Variants in KCNK12 observed in about 807,000 individuals in gnomAD.
KCNK12 encodes potassium channel subfamily K member 12.
In KCNK12, 6 loss-of-function variants were observed where a neutral mutation model predicts 25.3. The observed-to-expected ratio is 0.24, with a 90% CI of 0.13 to 0.47. The LOEUF (loss-of-function observed/expected upper bound fraction) is 0.47. Ranked by LOEUF, KCNK12 falls within the 20% of genes least tolerant of loss-of-function variation. KCNK12 has a pLI of 0.99. For synonymous variants in KCNK12, 331 were observed against 311.1 expected, an observed-to-expected ratio of 1.06 and a Z score of -0.67; for missense variants, 444 against 661.7, an observed-to-expected ratio of 0.67 and a Z score of 3.61.
rs1407570137 is a variant in KCNK12 at position 47,555,486 on chromosome 2, A to G, written c.391+14455T>C. Among the ~76,000 whole-genome samples, 1 of 152,166 alleles carries G rather than the reference A, an allele frequency of 6.6e-6. No homozygotes were observed. The highest frequency in any genetic ancestry group is 1.9e-4 in the East Asian group (1 of 5,198). ...TTACTAAAACCAAAGCTTATTCTCC[A>G]TTAGTTTCCCTCCTATATTTATCTT... is the stretch of plus-strand genomic sequence containing the variant. On this transcript the variant is annotated intron_variant, in intron 1 of 1. Coordinates refer to ENST00000327876, the MANE Select transcript of KCNK12 (RefSeq NM_022055.2). This position sits in a 1 kb window ranked among gnomAD's most constrained non-coding sequence, Gnocchi z 4.5.
In KCNK12 at chr2:47,547,240, C is replaced by T. The variant is rs1334152133; in HGVS notation, c.391+22701G>A. On this transcript the variant is annotated intron_variant, in intron 1 of 1. Coordinates refer to ENST00000327876, the MANE Select transcript of KCNK12 (RefSeq NM_022055.2). The surrounding 1 kb of genome is among the most constrained non-coding windows in gnomAD (Gnocchi z 5.0). The stretch of plus-strand genomic sequence containing the variant: ...TCTTCTTTTCTGGCTCCCACGAACA[C>T]GCCCTGGGACTCTGTGGTTCTAACC... 3.3e-5 allele frequency among the ~76,000 whole-genome samples: 5 copies of T among 152,184 alleles called. No homozygotes were observed. The highest frequency in any genetic ancestry group is 7.2e-5 in the African/African-American group (3 of 41,448).
chr2:47,539,275 G>C (rs913881134), intron 1 of KCNK12, among the ~76,000 whole-genome samples: 1 of 152,172 alleles, frequency 6.6e-6, no homozygotes, highest in African/African-American at 2.4e-5. Context: ...TAATCTTTCA[G>C]TTATAAGAAG....
Position 47,562,938 on chromosome 2 carries a change from C to G in KCNK12, c.391+7003G>C, listed in dbSNP as rs538695354. On this transcript the variant is annotated intron_variant, in intron 1 of 1. Coordinates refer to ENST00000327876, the MANE Select transcript of KCNK12 (RefSeq NM_022055.2). The surrounding 1 kb of genome is among the most constrained non-coding windows in gnomAD (Gnocchi z 4.8). The stretch of plus-strand genomic sequence containing the variant: ...GGCTGGTGGCCCCATGCAGAGCCCC[C>G]GACCCCGGAAAGTCAGTGGAACTGG... 3 of 233,414 alleles carry G rather than the reference C, an allele frequency of 1.3e-5. No individual in the cohort carries two copies. Among genetic ancestry groups the G allele is most frequent in the Non-Finnish European group, 2.5e-5 (3 of 118,306 alleles). 14.5% of individuals were successfully genotyped at this position (233,414 alleles called of 1,614,324 possible).
Position 47,547,042 on chromosome 2 carries a change from A to G in KCNK12, c.391+22899T>C, listed in dbSNP as rs1669329736. Among the ~76,000 whole-genome samples, 2 of 152,194 alleles carry G rather than the reference A, an allele frequency of 1.3e-5. No homozygotes were observed. Among genetic ancestry groups the G allele is most frequent in the Non-Finnish European group, 2.9e-5 (2 of 68,032 alleles). On this transcript the variant is annotated intron_variant, in intron 1 of 1. Transcript: ENST00000327876. The surrounding 1 kb of genome is among the most constrained non-coding windows in gnomAD (Gnocchi z 5.0). ...CCCAAAAAGAAAGCCCGCAGTCCAC[A>G]AGCCCCACCTATGCACACTGAGTTT...
intron 1 of KCNK12, among the ~76,000 whole-genome samples, chr2:47,534,526 C>CG (rs1553378752): frequency 7.8e-6 from 1 of 128,610 alleles, no homozygotes; most frequent in Non-Finnish European, 1.7e-5. Context: ...CCCCCCCCCC[C>CG]GCCCCCACAC....
At chr2:47,545,728 G>A (rs1375710417) in intron 1 of KCNK12, among the ~76,000 whole-genome samples, 2 of 152,296 alleles carry the variant, frequency 1.3e-5, no homozygotes, top group Admixed American at 6.5e-5. Context: ...TGCTGATGAG[G>A]ATTAAATGAG....
Position 47,551,266 on chromosome 2 carries a change from C to T in KCNK12, c.391+18675G>A, listed in dbSNP as rs1669424428. Among the ~76,000 whole-genome samples, 1 of 151,796 alleles carries T rather than the reference C, an allele frequency of 6.6e-6. No individual in the cohort carries two copies. The highest frequency in any genetic ancestry group is 1.5e-5 in the Non-Finnish European group (1 of 67,942). On this transcript the variant is annotated intron_variant, in intron 1 of 1. Coordinates refer to ENST00000327876, the MANE Select transcript of KCNK12 (RefSeq NM_022055.2). The surrounding 1 kb of genome is among the most constrained non-coding windows in gnomAD (Gnocchi z 5.3). ...GGACCCTGGCACTGGCTGGAGCCCT[C>T]TTCCTCCAGGCAGCCACATGGCTCA...
At position 47,513,429 on chromosome 2, in the gene KCNK12, T is replaced by C. The variant is rs1668451199; in HGVS notation, c.*7478A>G. Among the ~76,000 whole-genome samples, 1 of 152,200 alleles carries C rather than the reference T, an allele frequency of 6.6e-6. No individual in the cohort carries two copies. ...CCTGTGCTCTTGGTTTTCTCCCATATCTCTGACCCTCTTTCCTTAGTCTTT... is the reference window on the plus strand; with the variant it reads ...CCTGTGCTCTTGGTTTTCTCCCATACCTCTGACCCTCTTTCCTTAGTCTTT... On this transcript the variant is annotated 3_prime_UTR_variant, in exon 2 of 2. Coordinates refer to ENST00000327876, the MANE Select transcript of KCNK12 (RefSeq NM_022055.2).
Position 47,517,841 on chromosome 2 carries a change from A to G in KCNK12, c.*3066T>C, listed in dbSNP as rs1668561362. ...AAGACTCTGGATTCTCTGTGGCCAC[A>G]GTCATATGGTGAGGGCCTCTTGGAG... On this transcript the variant is annotated 3_prime_UTR_variant, in exon 2 of 2. Coordinates refer to ENST00000327876, the MANE Select transcript of KCNK12 (RefSeq NM_022055.2). This position sits in a 1 kb window ranked among gnomAD's most constrained non-coding sequence, Gnocchi z 4.1. The G allele has an allele frequency of 6.6e-6, 1 of 152,184 alleles. No homozygotes were observed. The highest frequency in any genetic ancestry group is 2.4e-5 in the African/African-American group (1 of 41,452). 9.4% of individuals were successfully genotyped at this position (152,184 alleles called of 1,614,324 possible).
intron 1 of KCNK12, chr2:47,563,867 A>T (rs1669736421): frequency 4.3e-6 from 1 of 232,666 alleles, no homozygotes; most frequent in Non-Finnish European, 8.5e-6. Context: ...GCCCTTGGGC[A>T]TAGTCAAGAC....
chr2:47,531,700 G>C (rs562550483), intron 1 of KCNK12, among the ~76,000 whole-genome samples: 1 of 152,306 alleles, frequency 6.6e-6, no homozygotes, highest in African/African-American at 2.4e-5. Context: ...GGTGAGGCAG[G>C]AGAAGAGGGA....
In KCNK12 at chr2:47,515,890, C is replaced by A. The variant is rs1668513805; in HGVS notation, c.*5017G>T. Among the ~76,000 whole-genome samples the A allele has an allele frequency of 6.6e-6, 1 of 152,194 alleles. No homozygotes were observed. Among genetic ancestry groups the A allele is most frequent in the Admixed American group, 6.5e-5 (1 of 15,278 alleles). On this transcript the variant is annotated 3_prime_UTR_variant, in exon 2 of 2. Coordinates refer to ENST00000327876, the MANE Select transcript of KCNK12 (RefSeq NM_022055.2). ...CCCAGCTGACACTGTGGGAAGGACC[C>A]CATGCAGAAGCAATAGGGCAGCCTG...
In KCNK12 at chr2:47,511,661, G is replaced by T. The variant is rs1183421494; in HGVS notation, c.*9246C>A. Among the ~76,000 whole-genome samples, 4 of 152,186 alleles carry T rather than the reference G, an allele frequency of 2.6e-5. No homozygotes were observed. The highest frequency in any genetic ancestry group is 5.9e-5 in the Non-Finnish European group (4 of 68,024). ...TTCCATAGGGGATGAGGAAGACAAG[G>T]CCACTTGGAGGCAGAGGAGACCACA... On this transcript the variant is annotated 3_prime_UTR_variant, in exon 2 of 2. Transcript: ENST00000327876. The surrounding 1 kb of genome is among the most constrained non-coding windows in gnomAD (Gnocchi z 4.3).
In KCNK12 at chr2:47,529,860, TTAAGTA is replaced by T. The variant is rs1668880215; in HGVS notation, c.392-8058_392-8053del. ...ACTTGGGTAAACAAGAAATCATTTT[TTAAGTA>T]TAAGTATGTCCCAAATATTGCATAG... On this transcript the variant is annotated intron_variant, in intron 1 of 1. Transcript: ENST00000327876. This position sits in a 1 kb window ranked among gnomAD's most constrained non-coding sequence, Gnocchi z 4.3. 6.6e-6 allele frequency among the ~76,000 whole-genome samples: 1 copy of T among 152,262 alleles called. No individual in the cohort carries two copies. Among genetic ancestry groups the T allele is most frequent in the African/African-American group, 2.4e-5 (1 of 41,462 alleles).
rs1208919894 is a variant in KCNK12 at position 47,516,300 on chromosome 2, G to A, written c.*4607C>T. Among the ~76,000 whole-genome samples, 3 of 152,212 alleles carry A rather than the reference G, an allele frequency of 2.0e-5. No homozygotes were observed. Among genetic ancestry groups the A allele is most frequent in the East Asian group, 3.9e-4 (2 of 5,168 alleles). ...CTCCTGGGAGTACGGCCCGGGCCTC[G>A]GGATCCTTTAAAGCTCCATTTGGAG... On this transcript the variant is annotated 3_prime_UTR_variant, in exon 2 of 2. Coordinates refer to ENST00000327876, the MANE Select transcript of KCNK12 (RefSeq NM_022055.2).
intron 1 of KCNK12, among the ~76,000 whole-genome samples, chr2:47,527,975 A>T (rs1209448694): frequency 6.6e-6 from 1 of 152,142 alleles, no homozygotes; most frequent in African/African-American, 2.4e-5. Flanking sequence ...GTTTCTTAGC[A>T]GTTTTGTACA....
Position 47,564,389 on chromosome 2 carries a change from G to A in KCNK12, c.391+5552C>T, listed in dbSNP as rs116595810. ...TCACAGAAAGAAAAGGCCATCTTGCGTAAAGATGATCACTGTGTCATTACT... is the reference window on the plus strand; with the variant it reads ...TCACAGAAAGAAAAGGCCATCTTGCATAAAGATGATCACTGTGTCATTACT... On this transcript the variant is annotated intron_variant, in intron 1 of 1. Coordinates refer to ENST00000327876, the MANE Select transcript of KCNK12 (RefSeq NM_022055.2). 289 of 226,640 alleles carry A rather than the reference G, an allele frequency of 1.3e-3. 3 individuals are homozygous for A. The East Asian group carries it at 0.013, about 10-fold the overall frequency. The allele number at this position is 226,640 out of a possible 1,614,324, so 14.0% of individuals were successfully genotyped here. A position where few individuals can be genotyped will look rare whatever the true frequency, so the allele number is the denominator to read the frequency against.
rs985797882 is a variant in KCNK12, at chr2:47,557,841, G to A, written c.391+12100C>T. Among the ~76,000 whole-genome samples the A allele has an allele frequency of 2.6e-5, 4 of 152,180 alleles. No individual in the cohort carries two copies. Among genetic ancestry groups the A allele is most frequent in the Non-Finnish European group, 5.9e-5 (4 of 68,032 alleles). Reference sequence around the variant, plus strand: ...CTAATTTGATGTTAGGAACTGAGATGCCTTAGGGATTCGGGGACTGTGAAG... The same window carrying A: ...CTAATTTGATGTTAGGAACTGAGATACCTTAGGGATTCGGGGACTGTGAAG... On this transcript the variant is annotated intron_variant, in intron 1 of 1. Coordinates refer to ENST00000327876, the MANE Select transcript of KCNK12 (RefSeq NM_022055.2). This position sits in a 1 kb window ranked among gnomAD's most constrained non-coding sequence, Gnocchi z 4.9.
At chr2:47,545,164 A>G (rs1252239844) in intron 1 of KCNK12, among the ~76,000 whole-genome samples, 1 of 152,204 alleles carries the variant, frequency 6.6e-6, no homozygotes, top group Non-Finnish European at 1.5e-5. Flanking sequence ...CAGAAGGCAA[A>G]TGAAGGAGGA....
Sources: gnomAD v4.1 joint callset for allele counts (sites outside exome capture counted in the v4.1 genomes callset) on GRCh38, gnomAD v4.1.1 for gene constraint, Gnocchi (gnomAD v3.1) non-coding constraint, MANE v1.5 for transcripts, NCBI Gene and HGNC (gene_info 2026-07-23, HGNC 2026-07-21) for gene names.